FRMPD2: variants seen among roughly 807,000 people sequenced by gnomAD.
FRMPD2 encodes FERM and PDZ domain containing 2, also known as FERM and PDZ domain-containing protein 2.
FRMPD2 carries 96 observed loss-of-function variants against 140.1 expected under a neutral mutation model. The ratio of observed to expected loss-of-function variants is 0.69; its 90% CI spans 0.58 to 0.81. FRMPD2 has a LOEUF of 0.81. Among genes scored for constraint, FRMPD2 ranks in the 40% least tolerant of loss-of-function variants. FRMPD2 has a pLI of 0.00. For synonymous variants in FRMPD2, 449 were observed against 547.6 expected, an observed-to-expected ratio of 0.82 and a Z score of 2.52; for missense variants, 1,240 against 1,447.4, an observed-to-expected ratio of 0.86 and a Z score of 2.32.
chr10:48,229,213 A>T (rs1839795750), intron 10 of FRMPD2, among the ~76,000 whole-genome samples: 1 of 152,096 alleles, frequency 6.6e-6, no homozygotes, highest in African/African-American at 2.4e-5. Flanking sequence ...GCTGTATTTT[A>T]TTAGCTCTTT....
intron 12 of FRMPD2, 95 bp from the exon 13 acceptor site, chr10:48,212,204 G>A: frequency 7.9e-7 from 1 of 1,270,574 alleles, no homozygotes. Context: ...ACAATTCCAG[G>A]AGGGCGCCAG....
In FRMPD2 at chr10:48,254,280, A is replaced by G. The variant is rs1378383718; in HGVS notation, c.26-2589T>C. ...GCTCTGAATTTCCCTGGCTGGCCTC[A>G]GGACTACAGTGTGGGTTATGAATAA... On this transcript the variant is annotated intron_variant, in intron 1 of 28. Coordinates refer to ENST00000374201, the MANE Select transcript of FRMPD2 (RefSeq NM_001018071.4). 2.6e-5 allele frequency among the ~76,000 whole-genome samples: 4 copies of G among 152,226 alleles called. No homozygotes were observed. In the East Asian group the frequency reaches 5.8e-4, roughly 22 times the overall value.
intron 10 of FRMPD2, among the ~76,000 whole-genome samples, chr10:48,226,813 C>T (rs1436964036): frequency 6.6e-6 from 1 of 152,204 alleles, no homozygotes; most frequent in East Asian, 1.9e-4. Flanking sequence ...ATGGGGGCTC[C>T]CATGCCACAT....
In FRMPD2 at chr10:48,184,564, A is replaced by G. The variant is rs145908804; in HGVS notation, c.2584+2T>C. 3.4e-5 allele frequency: 53 copies of G among 1,581,284 alleles called. No homozygotes were observed. In the African/African-American group the frequency reaches 5.1e-4, roughly 15 times the overall value. On this transcript the variant is annotated splice_donor_variant, in intron 20 of 28. Coordinates refer to ENST00000374201, the MANE Select transcript of FRMPD2 (RefSeq NM_001018071.4). LOFTEE classifies it high-confidence loss of function. ...AGCTCCCAAGAGTGGGTTAAAACAT[A>G]CCTTTTGACTGAGAAATAATTAATT...
rs1326719006 is a variant in FRMPD2 at position 48,187,223 on chromosome 10, G to A, written c.2235C>T (p.Leu745=). ...GCATGCTCTGAACAGGTGGTCCAGA[G>A]AGAGAGTCCCAGGTCATTGGCTTCT... ...VIQKPMTWDS[L]SGPPVQSMHA... The change falls in exon 17 of 29, where the codon CTC becomes CTT. Residue 745 remains leucine (L), a synonymous_variant. Transcript: ENST00000374201. 1 of 1,614,096 alleles carries A rather than the reference G, an allele frequency of 6.2e-7. No individual in the cohort carries two copies. The highest frequency in any genetic ancestry group is 8.5e-7 in the Non-Finnish European group (1 of 1,179,978).
chr10:48,240,630 GCA>G, intron 5 of FRMPD2, 138 bp from the exon 6 acceptor site: 1 of 1,226,758 alleles, frequency 8.2e-7, no homozygotes, highest in Non-Finnish European at 1.1e-6. Context: ...GTGTTCTCTG[GCA>G]CCCAGAATGT....
intron 2 of FRMPD2, among the ~76,000 whole-genome samples, chr10:48,251,236 T>C (rs1039649156): frequency 4.6e-5 from 7 of 152,186 alleles, no homozygotes; most frequent in South Asian, 2.1e-4. Flanking sequence ...TAGACACCCA[T>C]AGCACTGCAG....
chr10:48,268,537 T>C (rs1445052370), intron 1 of FRMPD2, among the ~76,000 whole-genome samples: 1 of 152,200 alleles, frequency 6.6e-6, no homozygotes, highest in Non-Finnish European at 1.5e-5. Context: ...TTAAACAAAT[T>C]GTGGTATATT....
At chr10:48,236,422 C>G in intron 9 of FRMPD2, 60 bp downstream of exon 9, 1 of 1,472,292 alleles carries the variant, frequency 6.8e-7, no homozygotes, top group Non-Finnish European at 9.5e-7. Flanking sequence ...AATTGGCCTC[C>G]CGCAACTGCC....
At chr10:48,185,493 C>T (rs1275556521) in intron 18 of FRMPD2, 60 bp downstream of exon 18, 1 of 1,161,056 alleles carries the variant, frequency 8.6e-7, no homozygotes, top group Non-Finnish European at 1.3e-6. Flanking sequence ...AAAACAGTAC[C>T]CACCTCCCCA....
intron 20 of FRMPD2, among the ~76,000 whole-genome samples, chr10:48,181,505 C>G (rs1838546172): frequency 6.6e-6 from 1 of 152,118 alleles, no homozygotes; most frequent in Non-Finnish European, 1.5e-5. Context: ...CTGCAGCCAC[C>G]ATGTGATCCA....
chr10:48,192,797 G>T lies in FRMPD2; in HGVS notation c.2052C>A (p.Asn684Lys), dbSNP rs111320090. ...IWIQRLSCSENELFVSRLQGA... is the reference protein window; with the variant it reads ...IWIQRLSCSEKELFVSRLQGA... Reference sequence around the variant, plus strand: ...CCTGAAGCCTGGATACAAACAACTCGTTTTCTGAGCATGACAATCTCTGAA... The same window carrying T: ...CCTGAAGCCTGGATACAAACAACTCTTTTTCTGAGCATGACAATCTCTGAA... The change falls in exon 16 of 29, where the codon AAC (asparagine) becomes AAA (lysine). Residue 684 changes from asparagine to lysine, a missense_variant. Physicochemically the swap from Asn to Lys is moderately conservative, Grantham distance 94. This residue lies in a region of FRMPD2 where 1,161 missense variants were observed against 1,055.9 expected (regional missense o/e 1.10). Transcript: ENST00000374201. 1 of 1,613,962 alleles carries T rather than the reference G, an allele frequency of 6.2e-7. No homozygotes were observed. Among genetic ancestry groups the T allele is most frequent in the African/African-American group, 1.3e-5 (1 of 74,892 alleles).
chr10:48,182,277 G>A (rs752263165), intron 20 of FRMPD2, among the ~76,000 whole-genome samples: 5 of 151,988 alleles, frequency 3.3e-5, no homozygotes, highest in African/African-American at 7.3e-5. Flanking sequence ...CATAAGCATC[G>A]GCTCATTCTC....
intron 13 of FRMPD2, among the ~76,000 whole-genome samples, chr10:48,210,876 T>C (rs1374607435): frequency 6.6e-6 from 1 of 152,240 alleles, no homozygotes; most frequent in Admixed American, 6.5e-5. Context: ...CTGACTTCTG[T>C]ACAGGGAAAT....
intron 4 of FRMPD2, among the ~76,000 whole-genome samples, chr10:48,243,848 A>T (rs1221685805): frequency 6.6e-6 from 1 of 152,230 alleles, no homozygotes; most frequent in African/African-American, 2.4e-5. Flanking sequence ...TAGCCAGGTC[A>T]GCTAGGCAGG....
At position 48,183,851 on chromosome 10, in the gene FRMPD2, C is replaced by CAAAAAAAAAAAAAAAAAAAAAAAAA. The variant is rs57389978; in HGVS notation, c.2584+714_2584+715insTTTTTTTTTTTTTTTTTTTTTTTTT. 5.0e-4 allele frequency among the ~76,000 whole-genome samples: 38 copies of CAAAAAAAAAAAAAAAAAAAAAAAAA among 76,692 alleles called. 2 individuals are homozygous for CAAAAAAAAAAAAAAAAAAAAAAAAA. Among genetic ancestry groups the CAAAAAAAAAAAAAAAAAAAAAAAAA allele is most frequent in the African/African-American group, 1.9e-3 (34 of 17,510 alleles). 50.3% of individuals were successfully genotyped at this position (76,692 alleles called of 152,430 possible). ...TGGGTGAAAGAGTGAGACTCCATCT[C>CAAAAAAAAAAAAAAAAAAAAAAAAA]AAAAAAAAAAAAGGAAAATCAAATA... On this transcript the variant is annotated intron_variant, in intron 20 of 28. Transcript: ENST00000374201.
At chr10:48,166,039 CTCTTGGGAACTGGTACCAAGAGAGA>C (rs1554791243) in intron 27 of FRMPD2, among the ~76,000 whole-genome samples, 2,711 of 66,102 alleles carry the variant, frequency 0.041, 101 homozygotes, top group African/African-American at 0.12. Flanking sequence ...AGCAGTCCCT[CTCTTGGGAACTGGTACCAAGAGAGA>C]TGAAGTGGAA....
chr10:48,261,853 T>C (rs1840596363), intron 1 of FRMPD2, among the ~76,000 whole-genome samples: 1 of 152,176 alleles, frequency 6.6e-6, no homozygotes, highest in African/African-American at 2.4e-5. Flanking sequence ...CGGGTATTAC[T>C]CTGTAATATG....
At chr10:48,266,393 A>T (rs1385056127) in intron 1 of FRMPD2, among the ~76,000 whole-genome samples, 1 of 152,220 alleles carries the variant, frequency 6.6e-6, no homozygotes, top group Admixed American at 6.5e-5. Flanking sequence ...TAAAATAAAA[A>T]ATAAAAACTT....
Sources: gnomAD v4.1 joint callset for allele counts (sites outside exome capture counted in the v4.1 genomes callset) on GRCh38, gnomAD v4.1.1 for gene constraint, gnomAD v4.1.1 regional missense constraint, MANE v1.5 for transcripts, NCBI Gene and HGNC (gene_info 2026-07-23, HGNC 2026-07-21) for gene names.